Variants in PQBP1 observed in about 807,000 individuals in gnomAD.
The protein encoded by PQBP1 is polyglutamine-binding protein 1.
Under a neutral mutation model 20.9 loss-of-function variants are expected in PQBP1, and 3 were observed. The ratio of observed to expected loss-of-function variants is 0.14; its 90% CI spans 0.07 to 0.37. The LOEUF (loss-of-function observed/expected upper bound fraction) is 0.37. PQBP1 is among the 10% of genes least tolerant of loss of function. PQBP1 has a pLI of 1.00. For synonymous variants in PQBP1, 83 were observed against 93.8 expected, an observed-to-expected ratio of 0.88 and a Z score of 0.67; for missense variants, 162 against 240.3, an observed-to-expected ratio of 0.67 and a Z score of 2.16.
Position 48,902,524 on chromosome X carries a change from T to C in PQBP1, c.577+7T>C, listed in dbSNP as rs2063437199. 2 of 1,199,772 alleles carry C rather than the reference T, an allele frequency of 1.7e-6. No homozygotes were observed. The highest frequency in any genetic ancestry group is 2.2e-6 in the Non-Finnish European group (2 of 890,477). On this transcript the variant is annotated splice_region_variant and intron_variant, in intron 5 of 6. Transcript: ENST00000447146. ...TATCCCAAGAGCAAGAAGGGTAAGC[T>C]GGGCAGAATGGGGCTCGGTGAGACC... is the stretch of plus-strand genomic sequence containing the variant.
intron 5 of PQBP1, 42 bp from the exon 6 acceptor site, chrX:48,902,690 C>T: frequency 8.5e-7 from 1 of 1,180,046 alleles, no homozygotes; most frequent in Non-Finnish European, 1.1e-6. Context: ...ATCAGGGGAT[C>T]CTGGTGCCTC....
At position 48,898,163 on chromosome X, in the gene PQBP1, C is replaced by G. The variant is rs1557040103; in HGVS notation, c.-19+81C>G. 3 of 1,028,057 alleles carry G rather than the reference C, an allele frequency of 2.9e-6. No homozygotes were observed. In the African/African-American group the frequency reaches 5.8e-5, roughly 20 times the overall value. 84.7% of individuals were successfully genotyped at this position (1,028,057 alleles called of 1,213,427 possible). A position where few individuals can be genotyped will look rare whatever the true frequency, so the allele number is the denominator to read the frequency against. On this transcript the variant is annotated intron_variant, in intron 1 of 6. Transcript: ENST00000447146. The stretch of plus-strand genomic sequence containing the variant: ...CCCCCATCCCAGCGCTTTGGTTTCT[C>G]CCACCCGGCAGTCATGGGGACGCTG...
intron 4 of PQBP1, 49 bp downstream of exon 4, chrX:48,902,091 C>T (rs373098701): frequency 3.5e-5 from 42 of 1,208,235 alleles, no homozygotes; most frequent in African/African-American, 2.8e-4. Context: ...GCAGTTCTCA[C>T]GGAGAGGCCA....
intron 5 of PQBP1, 98 bp from the exon 6 acceptor site, chrX:48,902,634 A>G (rs782128776): frequency 2.6e-6 from 3 of 1,149,191 alleles, no homozygotes; most frequent in East Asian, 3.2e-5. Context: ...GCTGTGGTAC[A>G]TGGCAGCCAG....
chrX:48,899,932 A>G (rs950025129), intron 2 of PQBP1, among the ~76,000 whole-genome samples: 4 of 112,199 alleles, frequency 3.6e-5, no homozygotes, highest in Non-Finnish European at 7.5e-5. Context: ...TGTGCAAGGT[A>G]TAGACCTTGT....
rs953385686 is a variant in PQBP1 at position 48,897,962 on chromosome X, C to G, written c.-139C>G. 16 of 893,875 alleles carry G rather than the reference C, an allele frequency of 1.8e-5. No homozygotes were observed. The African/African-American group carries it at 3.0e-4, about 17-fold the overall frequency. 73.7% of individuals were successfully genotyped at this position (893,875 alleles called of 1,213,427 possible). On this transcript the variant is annotated 5_prime_UTR_variant, in exon 1 of 7. Coordinates refer to ENST00000447146, the MANE Select transcript of PQBP1 (RefSeq NM_001032382.2). ...TTTCAGGCTCGGGGAGTGAAGGCCT[C>G]GTTGAGAGAAGGTCTCATTCGGTGT...
At chrX:48,902,552 C>G (rs1424760268) in intron 5 of PQBP1, 35 bp downstream of exon 5, 1 of 1,190,576 alleles carries the variant, frequency 8.4e-7, no homozygotes, top group Non-Finnish European at 1.1e-6. Flanking sequence ...GTGAGACCAA[C>G]AAGGTGCAGG....
chrX:48,898,773 A>G (rs1387244522), intron 2 of PQBP1, among the ~76,000 whole-genome samples, 197 bp downstream of exon 2: 1 of 73,585 alleles, frequency 1.4e-5, no homozygotes, highest in Non-Finnish European at 2.5e-5. Context: ...TTGGGGGAAT[A>G]GATATTTCAT....
At chrX:48,901,626 A>C (rs942388900) in intron 3 of PQBP1, 3 of 447,736 alleles carry the variant, frequency 6.7e-6, no homozygotes, top group African/African-American at 4.9e-5. Flanking sequence ...TTACAGGTGC[A>C]CACCACCACA....
intron 1 of PQBP1, 87 bp downstream of exon 1, chrX:48,898,169 C>A: frequency 9.7e-7 from 1 of 1,028,202 alleles, no homozygotes; most frequent in Non-Finnish European, 1.3e-6. Flanking sequence ...TTCTCCCACC[C>A]GGCAGTCATG....
At chrX:48,901,860 TG>T in intron 3 of PQBP1, 69 bp from the exon 4 acceptor site, 2 of 1,200,004 alleles carry the variant, frequency 1.7e-6, no homozygotes, top group Admixed American at 2.2e-5. Context: ...AGGCAGAGAC[TG>T]GGGAGACAAG....
intron 1 of PQBP1, 173 bp downstream of exon 1, chrX:48,898,255 G>C: frequency 1.2e-6 from 1 of 801,790 alleles, no homozygotes; most frequent in Non-Finnish European, 1.8e-6. Context: ...CTGGGCCTGG[G>C]AGAGGAACAG....
rs1477879137 is a variant in PQBP1, at chrX:48,897,953, T to G, written c.-148T>G. ...TCCAGTTACTTTCAGGCTCGGGGAG[T>G]GAAGGCCTCGTTGAGAGAAGGTCTC... On this transcript the variant is annotated 5_prime_UTR_variant, in exon 1 of 7. Coordinates refer to ENST00000447146, the MANE Select transcript of PQBP1 (RefSeq NM_001032382.2). 2.3e-6 allele frequency: 2 copies of G among 877,872 alleles called. No homozygotes were observed. Among genetic ancestry groups the G allele is most frequent in the Non-Finnish European group, 3.1e-6 (2 of 651,077 alleles). The allele number at this position is 877,872 out of a possible 1,213,427, so 72.3% of individuals were successfully genotyped here.
At chrX:48,902,880 G>C in intron 6 of PQBP1, 48 bp from the exon 7 acceptor site, 1 of 1,186,429 alleles carries the variant, frequency 8.4e-7, no homozygotes, top group East Asian at 3.1e-5. Context: ...CAGGTGGGCT[G>C]TGTCCGCCAC....
At chrX:48,902,850 C>T (rs2063446921) in intron 6 of PQBP1, 55 bp downstream of exon 6, 2 of 1,185,748 alleles carry the variant, frequency 1.7e-6, no homozygotes, top group South Asian at 3.7e-5. Context: ...CGGCCTCCTT[C>T]CTCCATTCCT....
intron 3 of PQBP1, 187 bp downstream of exon 3, chrX:48,901,488 T>C: frequency 1.0e-6 from 1 of 974,462 alleles, no homozygotes; most frequent in Non-Finnish European, 1.4e-6. Flanking sequence ...GTCTTTTCTC[T>C]CTTTTTTGAA....
At chrX:48,901,728 C>T in intron 3 of PQBP1, 2 of 705,426 alleles carry the variant, frequency 2.8e-6, no homozygotes, top group Non-Finnish European at 4.1e-6. Context: ...ATCCGCCTGC[C>T]TCGGCCTCCC....
chrX:48,901,081 C>G, intron 2 of PQBP1, 109 bp from the exon 3 acceptor site: 1 of 1,133,361 alleles, frequency 8.8e-7, no homozygotes, highest in Non-Finnish European at 1.2e-6. Flanking sequence ...ACACACGTGT[C>G]TTTTATGTGT....
At chrX:48,901,382 AG>A in intron 3 of PQBP1, 81 bp downstream of exon 3, 1 of 1,164,688 alleles carries the variant, frequency 8.6e-7, no homozygotes. Context: ...GGGGGACACA[AG>A]GGAGGGAGCC....
Sources: gnomAD v4.1 joint callset for allele counts (sites outside exome capture counted in the v4.1 genomes callset) on GRCh38, gnomAD v4.1.1 for gene constraint, MANE v1.5 for transcripts, NCBI Gene and HGNC (gene_info 2026-07-23, HGNC 2026-07-21) for gene names.